Variants in SLC35F3 observed in about 807,000 individuals in gnomAD.
SLC35F3 encodes the protein solute carrier family 35 member F3.
Under a neutral mutation model 49.9 loss-of-function variants are expected in SLC35F3, and 25 were observed. The observed-to-expected ratio is 0.50, with a 90% CI of 0.37 to 0.70. The LOEUF is 0.70. Among genes scored for constraint, SLC35F3 ranks in the 30% least tolerant of loss-of-function variants. The pLI, the probability that SLC35F3 is intolerant of heterozygous loss-of-function variation, is 0.00. For missense variants in SLC35F3, 525 were observed against 639.8 expected, an observed-to-expected ratio of 0.82 and a Z score of 1.94; for synonymous variants, 275 against 265.4, an observed-to-expected ratio of 1.04 and a Z score of -0.35.
chr1:234,182,029 A>G (rs551511472), intron 2 of SLC35F3, among the ~76,000 whole-genome samples: 2 of 152,332 alleles, frequency 1.3e-5, no homozygotes, highest in African/African-American at 4.8e-5. Flanking sequence ...AGTACATTTC[A>G]TATACGAATG....
chr1:234,318,679 C>A (rs907900544), intron 5 of SLC35F3, 72 bp from the exon 6 acceptor site: 1 of 1,379,916 alleles, frequency 7.2e-7, no homozygotes, highest in Non-Finnish European at 1.0e-6. Context: ...GTGGAGTGAA[C>A]TCTGCTTTGC....
At chr1:234,052,401 C>T (rs946124561) in intron 2 of SLC35F3, among the ~76,000 whole-genome samples, 8 of 152,148 alleles carry the variant, frequency 5.3e-5, no homozygotes, top group African/African-American at 1.9e-4. Context: ...TCCATTTCTT[C>T]TAGATTTTCT....
At chr1:234,159,403 G>A (rs6667821) in intron 2 of SLC35F3, among the ~76,000 whole-genome samples, 14 of 151,770 alleles carry the variant, frequency 9.2e-5, no homozygotes, top group Non-Finnish European at 2.1e-4. Context: ...ATGGTGAAAC[G>A]CCGTCTCTAC....
intron 2 of SLC35F3, among the ~76,000 whole-genome samples, chr1:233,997,685 T>A (rs1312973183): frequency 6.6e-6 from 1 of 152,156 alleles, no homozygotes; most frequent in African/African-American, 2.4e-5. Flanking sequence ...CTCTTTCACT[T>A]CTTTTATTTT....
At chr1:234,044,617 C>A (rs552539613) in intron 2 of SLC35F3, among the ~76,000 whole-genome samples, 18 of 152,184 alleles carry the variant, frequency 1.2e-4, no homozygotes, top group Non-Finnish European at 2.4e-4. Flanking sequence ...ATCAGATTTT[C>A]AATTTTTGGT....
intron 4 of SLC35F3, among the ~76,000 whole-genome samples, chr1:234,314,189 G>A (rs1287157979): frequency 6.6e-6 from 1 of 152,216 alleles, no homozygotes; most frequent in Non-Finnish European, 1.5e-5. Context: ...AACTGATGGG[G>A]TGGCACAGGC....
intron 2 of SLC35F3, among the ~76,000 whole-genome samples, chr1:234,146,058 T>A (rs574018985): frequency 1.1e-4 from 17 of 152,328 alleles, no homozygotes; most frequent in African/African-American, 4.1e-4. Context: ...TGGATCTTTT[T>A]TTCTTCTTTT....
chr1:234,196,836 G>A (rs548379023), intron 2 of SLC35F3, among the ~76,000 whole-genome samples: 22 of 152,216 alleles, frequency 1.4e-4, no homozygotes, highest in African/African-American at 2.7e-4. Flanking sequence ...CAGCTACTCC[G>A]GAGGCTGAGG....
At chr1:234,285,255 C>T (rs1668401842) in intron 3 of SLC35F3, 1 of 439,756 alleles carries the variant, frequency 2.3e-6, no homozygotes, top group Admixed American at 2.4e-5. Flanking sequence ...GATGAGGCTG[C>T]TCACTTCCCC....
intron 2 of SLC35F3, among the ~76,000 whole-genome samples, chr1:234,225,446 T>G (rs1386311023): frequency 6.6e-6 from 1 of 152,084 alleles, no homozygotes; most frequent in Non-Finnish European, 1.5e-5. Context: ...TTTCATGCAG[T>G]CTAGGAAAAA....
chr1:234,269,769 G>T (rs1668068309), intron 3 of SLC35F3, among the ~76,000 whole-genome samples: 1 of 152,136 alleles, frequency 6.6e-6, no homozygotes, highest in Non-Finnish European at 1.5e-5. Flanking sequence ...GGATGTGTGT[G>T]TTCTCACCCT....
chr1:234,210,329 G>A (rs1667031180), intron 2 of SLC35F3, among the ~76,000 whole-genome samples: 1 of 152,272 alleles, frequency 6.6e-6, no homozygotes. Context: ...GTAAAGTGAG[G>A]CATTGCTGAA....
At chr1:234,075,060 T>A (rs1429077779) in intron 2 of SLC35F3, among the ~76,000 whole-genome samples, 1 of 152,178 alleles carries the variant, frequency 6.6e-6, no homozygotes, top group African/African-American at 2.4e-5. Context: ...GTCTGAAAAG[T>A]TTAATTTTAC....
chr1:234,040,154 G>T (rs1468541440), intron 2 of SLC35F3, among the ~76,000 whole-genome samples: 2 of 152,156 alleles, frequency 1.3e-5, no homozygotes, highest in Non-Finnish European at 2.9e-5. Context: ...AGTAAAGGCA[G>T]GTCACTCTCC....
At chr1:234,054,724 ATTTT>A (rs1664429503) in intron 2 of SLC35F3, among the ~76,000 whole-genome samples, 1 of 152,120 alleles carries the variant, frequency 6.6e-6, no homozygotes, top group African/African-American at 2.4e-5. Flanking sequence ...AGGCGCTCTG[ATTTT>A]TAGAATTTTC....
At chr1:234,000,873 T>G (rs767175329) in intron 2 of SLC35F3, among the ~76,000 whole-genome samples, 3 of 152,176 alleles carry the variant, frequency 2.0e-5, no homozygotes, top group African/African-American at 4.8e-5. Flanking sequence ...TGGCTATTGT[T>G]GCTGTAATTG....
chr1:234,054,378 C>G lies in SLC35F3; in HGVS notation c.283+148620C>G, dbSNP rs962021145. Among the ~76,000 whole-genome samples, 3 of 152,148 alleles carry G rather than the reference C, an allele frequency of 2.0e-5. No individual in the cohort carries two copies. The East Asian group carries it at 5.8e-4, about 29-fold the overall frequency. ...TTTCTCTAAACTTCTCTTCTCACTT[C>G]ATTTCATTCATTTGATGTTCAATCA... is the stretch of plus-strand genomic sequence containing the variant. On this transcript the variant is annotated intron_variant, in intron 2 of 7. Transcript: ENST00000366618.
intron 2 of SLC35F3, among the ~76,000 whole-genome samples, chr1:234,216,661 A>G (rs1667127257): frequency 6.6e-6 from 1 of 152,244 alleles, no homozygotes; most frequent in Admixed American, 6.5e-5. Context: ...GGAAATGTAT[A>G]GTGAACTAAG....
At chr1:234,250,081 AC>A (rs1395317762) in intron 3 of SLC35F3, among the ~76,000 whole-genome samples, 1 of 152,230 alleles carries the variant, frequency 6.6e-6, no homozygotes. Context: ...CCTGTAGTAG[AC>A]CTTCTTTTCC....
Sources: gnomAD v4.1 joint callset for allele counts (sites outside exome capture counted in the v4.1 genomes callset) on GRCh38, gnomAD v4.1.1 for gene constraint, MANE v1.5 for transcripts, NCBI Gene and HGNC (gene_info 2026-07-23, HGNC 2026-07-21) for gene names.